Variants in KCNQ1 observed in about 807,000 individuals in gnomAD.
KCNQ1 encodes the protein potassium voltage-gated channel subfamily Q member 1.
In KCNQ1, 49 loss-of-function variants were observed where a neutral mutation model predicts 72.4. The ratio of observed to expected loss-of-function variants is 0.68; its 90% CI spans 0.54 to 0.86. The LOEUF (loss-of-function observed/expected upper bound fraction) is 0.86, where lower values mean the gene tolerates loss of function less well. Ranked by LOEUF, KCNQ1 falls within the 40% of genes least tolerant of loss-of-function variation. KCNQ1 has a pLI of 0.00. For synonymous variants in KCNQ1, 450 were observed against 412.6 expected (o/e 1.09, Z -1.10); for missense variants, 790 against 945.1 (o/e 0.84, Z 2.15).
At chr11:2,589,632 G>A (rs944037272) in intron 10 of KCNQ1, among the ~76,000 whole-genome samples, 1 of 152,164 alleles carries the variant, frequency 6.6e-6, no homozygotes, top group African/African-American at 2.4e-5. Context: ...CTGGAGGCTG[G>A]GCCCATGTGC....
chr11:2,660,900 A>G (rs187903895), intron 10 of KCNQ1: 1 of 398,664 alleles, frequency 2.5e-6, no homozygotes, highest in Admixed American at 4.4e-5. Context: ...TGAATAATTA[A>G]GCAGCTTAAA....
chr11:2,522,270 T>C (rs1370346638), intron 1 of KCNQ1, among the ~76,000 whole-genome samples: 9 of 151,064 alleles, frequency 6.0e-5, no homozygotes, highest in Non-Finnish European at 8.9e-5. Context: ...CCACATGAGC[T>C]GGGGGGGGGT....
chr11:2,784,027 G>A lies in KCNQ1; in HGVS notation c.1794+5990G>A, dbSNP rs896778590. Among the ~76,000 whole-genome samples, 1 of 151,714 alleles carries A rather than the reference G, an allele frequency of 6.6e-6. No homozygotes were observed. The highest frequency in any genetic ancestry group is 6.6e-5 in the Admixed American group (1 of 15,246). ...AGTCCAATTTGTCTTTTCTTATATG[G>A]CTCAGGCTTTTGATGTTTTATCTAA... On this transcript the variant is annotated intron_variant, in intron 15 of 15. Coordinates refer to ENST00000155840, the MANE Select transcript of KCNQ1 (RefSeq NM_000218.3). This position sits in a 1 kb window ranked among gnomAD's most constrained non-coding sequence, Gnocchi z 4.7.
rs1233863431 is a variant in KCNQ1, at chr11:2,720,933, G to A, written c.1515-47911G>A. 2.0e-5 allele frequency among the ~76,000 whole-genome samples: 3 copies of A among 152,146 alleles called. No individual in the cohort carries two copies. Among genetic ancestry groups the A allele is most frequent in the African/African-American group, 7.2e-5 (3 of 41,432 alleles). ...CTGAGGGAGATGAGGTTGTTCCCAG[G>A]GTTTCCTCATCCCAGGGGCTCTCAG... On this transcript the variant is annotated intron_variant, in intron 11 of 15. Transcript: ENST00000155840. The surrounding 1 kb of genome is among the most constrained non-coding windows in gnomAD (Gnocchi z 5.1).
In KCNQ1 at chr11:2,624,150, T is replaced by G. The variant is rs1849223994; in HGVS notation, c.1393+35296T>G. 1 of 398,432 alleles carries G rather than the reference T, an allele frequency of 2.5e-6. No homozygotes were observed. Among genetic ancestry groups the G allele is most frequent in the Non-Finnish European group, 4.4e-6 (1 of 226,030 alleles). 24.7% of individuals were successfully genotyped at this position (398,432 alleles called of 1,614,324 possible). ...ATATATCACATTTCTTGTTTTAATTTCCATTTCCCTAATGACGTAAGATGT... is the reference window on the plus strand; with the variant it reads ...ATATATCACATTTCTTGTTTTAATTGCCATTTCCCTAATGACGTAAGATGT... On this transcript the variant is annotated intron_variant, in intron 10 of 15. Transcript: ENST00000155840. The surrounding 1 kb of genome is among the most constrained non-coding windows in gnomAD (Gnocchi z 4.9).
At position 2,516,031 on chromosome 11, in the gene KCNQ1, C is replaced by T. The variant is rs1041797354; in HGVS notation, c.387-11897C>T. ...CTCACTGAGCCCCTGGGCCTATCCGCCCACGCCCAGGCCAGGGCTCCTGCT... is the reference window on the plus strand; with the variant it reads ...CTCACTGAGCCCCTGGGCCTATCCGTCCACGCCCAGGCCAGGGCTCCTGCT... On this transcript the variant is annotated intron_variant, in intron 1 of 15. Coordinates refer to ENST00000155840, the MANE Select transcript of KCNQ1 (RefSeq NM_000218.3). The surrounding 1 kb of genome is among the most constrained non-coding windows in gnomAD (Gnocchi z 7.0). 5.9e-5 allele frequency among the ~76,000 whole-genome samples: 9 copies of T among 152,012 alleles called. No individual in the cohort carries two copies. The highest frequency in any genetic ancestry group is 2.2e-4 in the African/African-American group (9 of 41,372).
chr11:2,470,388 G>C (rs1243131859), intron 1 of KCNQ1, among the ~76,000 whole-genome samples: 1 of 152,146 alleles, frequency 6.6e-6, no homozygotes, highest in Non-Finnish European at 1.5e-5. Flanking sequence ...ACTTTAGTTA[G>C]AGCCCAGTAA....
chr11:2,596,781 G>A (rs573907582), intron 10 of KCNQ1, among the ~76,000 whole-genome samples: 43 of 152,014 alleles, frequency 2.8e-4, no homozygotes, highest in African/African-American at 8.4e-4. Flanking sequence ...TAATCATGGC[G>A]ATGGTTTCAT....
chr11:2,830,454 G>T lies in KCNQ1; in HGVS notation c.1795-17313G>T, dbSNP rs1048624912. Among the ~76,000 whole-genome samples the T allele has an allele frequency of 1.8e-4, 27 of 152,064 alleles. No individual in the cohort carries two copies. Among genetic ancestry groups the T allele is most frequent in the African/African-American group, 6.5e-4 (27 of 41,408 alleles). On this transcript the variant is annotated intron_variant, in intron 15 of 15. Transcript: ENST00000155840. The surrounding 1 kb of genome is among the most constrained non-coding windows in gnomAD (Gnocchi z 7.7). ...GTTAAAGGACCTAGGTCCTCCCAATGGCCTGCAAACCACACCCAGTCTAGT... is the reference window on the plus strand; with the variant it reads ...GTTAAAGGACCTAGGTCCTCCCAATTGCCTGCAAACCACACCCAGTCTAGT...
chr11:2,568,132 G>C (rs1848272757), intron 2 of KCNQ1, among the ~76,000 whole-genome samples: 1 of 152,116 alleles, frequency 6.6e-6, no homozygotes, highest in African/African-American at 2.4e-5. Flanking sequence ...AATTAGCCAG[G>C]CGTGGTGGCA....
At chr11:2,765,508 A>G (rs1473956800) in intron 11 of KCNQ1, among the ~76,000 whole-genome samples, 1 of 152,194 alleles carries the variant, frequency 6.6e-6, no homozygotes, top group East Asian at 1.9e-4. Context: ...TCAAGTTGCT[A>G]ATCAGGCTGT....
chr11:2,631,742 C>T (rs1849355931), intron 10 of KCNQ1: 1 of 398,620 alleles, frequency 2.5e-6, no homozygotes, highest in Non-Finnish European at 4.4e-6. Flanking sequence ...TAATGGAATA[C>T]TCTTCTTGCA....
intron 10 of KCNQ1, chr11:2,609,398 T>G (rs1201568041): frequency 2.5e-6 from 1 of 398,370 alleles, no homozygotes; most frequent in Non-Finnish European, 4.4e-6. Flanking sequence ...TTGTATTATT[T>G]CAATCCTTTT....
intron 11 of KCNQ1, chr11:2,672,961 A>G: frequency 2.5e-6 from 1 of 398,790 alleles, no homozygotes; most frequent in African/African-American, 2.1e-5. Context: ...CATGAACCCC[A>G]GCTGAGTCCC....
chr11:2,782,750 C>T lies in KCNQ1; in HGVS notation c.1794+4713C>T, dbSNP rs576254234. The stretch of plus-strand genomic sequence containing the variant: ...TGGCATTTATTATAATTTTAATGTC[C>T]GTCCATTAGCATTTAGTCCCATTTT... On this transcript the variant is annotated intron_variant, in intron 15 of 15. Coordinates refer to ENST00000155840, the MANE Select transcript of KCNQ1 (RefSeq NM_000218.3). The surrounding 1 kb of genome is among the most constrained non-coding windows in gnomAD (Gnocchi z 6.1). Among the ~76,000 whole-genome samples the T allele has an allele frequency of 1.2e-3, 181 of 152,026 alleles. No individual in the cohort carries two copies. Among genetic ancestry groups the T allele is most frequent in the Non-Finnish European group, 1.9e-3 (126 of 67,956 alleles).
intron 12 of KCNQ1, among the ~76,000 whole-genome samples, chr11:2,773,666 A>G (rs912798180): frequency 1.3e-5 from 2 of 151,992 alleles, no homozygotes; most frequent in African/African-American, 2.4e-5. Context: ...ATCTTACAGA[A>G]AGGAGCTCAG....
At chr11:2,455,100 CTTT>C (rs34930428) in intron 1 of KCNQ1, among the ~76,000 whole-genome samples, 52 of 142,306 alleles carry the variant, frequency 3.7e-4, no homozygotes, top group African/African-American at 1.1e-3. Flanking sequence ...AAATCAGCAG[CTTT>C]TTTTTTTTTT....
intron 11 of KCNQ1, among the ~76,000 whole-genome samples, chr11:2,709,900 G>A (rs1314998604): frequency 6.6e-6 from 1 of 152,056 alleles, no homozygotes; most frequent in Non-Finnish European, 1.5e-5. Context: ...TGAACACTTG[G>A]GCCATTTTTA....
chr11:2,734,456 G>A lies in KCNQ1; in HGVS notation c.1515-34388G>A, dbSNP rs1845919369. ...CCGGGGCCCCGCAGCCAGCTGTGCT[G>A]GGCAAGGCAGGACGGGATCCTTGGT... On this transcript the variant is annotated intron_variant, in intron 11 of 15. Coordinates refer to ENST00000155840, the MANE Select transcript of KCNQ1 (RefSeq NM_000218.3). The surrounding 1 kb of genome is among the most constrained non-coding windows in gnomAD (Gnocchi z 7.0). Among the ~76,000 whole-genome samples, 1 of 152,240 alleles carries A rather than the reference G, an allele frequency of 6.6e-6. No individual in the cohort carries two copies. Among genetic ancestry groups the A allele is most frequent in the African/African-American group, 2.4e-5 (1 of 41,464 alleles).
Sources: allele counts gnomAD v4.1 joint callset (sites outside exome capture counted in the v4.1 genomes callset), GRCh38; gene constraint gnomAD v4.1.1; non-coding constraint Gnocchi (gnomAD v3.1); transcripts MANE v1.5; gene names NCBI Gene and HGNC (gene_info 2026-07-23, HGNC 2026-07-21).